The following PGM2L1 variants were observed in gnomAD, a reference collection of about 807,000 sequenced individuals.
PGM2L1 encodes the protein glucose 1,6-bisphosphate synthase.
In PGM2L1, 35 loss-of-function variants were observed where a neutral mutation model predicts 73.4. That is an observed-to-expected ratio of 0.48 (90% CI 0.36 to 0.63). The LOEUF (loss-of-function observed/expected upper bound fraction) is 0.63. Among genes scored for constraint, PGM2L1 ranks in the 30% least tolerant of loss-of-function variants. The pLI is 0.00. For missense variants in PGM2L1, 570 were observed against 742.0 expected (o/e 0.77, Z 2.69); for synonymous variants, 225 against 253.8 (o/e 0.89, Z 1.08).
At chr11:74,345,238 T>C (rs576867096) in intron 9 of PGM2L1, among the ~76,000 whole-genome samples, 1 of 152,214 alleles carries the variant, frequency 6.6e-6, no homozygotes, top group Non-Finnish European at 1.5e-5. Context: ...TAAGTATTAA[T>C]GTAATTTTTA....
chr11:74,360,837 G>A (rs527760609), intron 5 of PGM2L1, among the ~76,000 whole-genome samples: 3 of 152,328 alleles, frequency 2.0e-5, no homozygotes, highest in South Asian at 2.1e-4. Flanking sequence ...CTGCAAGGCC[G>A]CAGTGAGGCC....
Position 74,331,454 on chromosome 11 carries a change from G to A in PGM2L1, c.*5198C>T, listed in dbSNP as rs926514331. On this transcript the variant is annotated 3_prime_UTR_variant, in exon 14 of 14. Transcript: ENST00000298198. ...ATTTTGTATTTTTAGTGGACACAGG[G>A]TTTCTCCATGTCGGTCAGGCTAGTC... The A allele has an allele frequency of 6.6e-6, 1 of 152,094 alleles. No homozygotes were observed. Among genetic ancestry groups the A allele is most frequent in the African/African-American group, 2.4e-5 (1 of 41,362 alleles). The allele number at this position is 152,094 out of a possible 1,614,324, so 9.4% of individuals were successfully genotyped here.
chr11:74,345,449 C>G lies in PGM2L1; in HGVS notation c.1218+20G>C, dbSNP rs545751868. 293 of 1,580,760 alleles carry G rather than the reference C, an allele frequency of 1.9e-4. 2 individuals carry two copies. In the South Asian group the frequency reaches 3.0e-3, roughly 16 times the overall value. On this transcript the variant is annotated intron_variant, in intron 9 of 13. Coordinates refer to ENST00000298198, the MANE Select transcript of PGM2L1 (RefSeq NM_173582.6). ...GAAATAGGTTTTAAAAAGTAGCACA[C>G]AGATATTATTGATTCTTACTTCAAA...
At chr11:74,381,948 A>G (rs1390258077) in intron 1 of PGM2L1, among the ~76,000 whole-genome samples, 1 of 151,788 alleles carries the variant, frequency 6.6e-6, no homozygotes, top group East Asian at 1.9e-4. Flanking sequence ...AAATTAAAAC[A>G]AGATACCATT....
chr11:74,345,227 A>G (rs1028144250), intron 9 of PGM2L1, among the ~76,000 whole-genome samples: 1 of 152,214 alleles, frequency 6.6e-6, no homozygotes, highest in Admixed American at 6.5e-5. Flanking sequence ...GTACAGAATA[A>G]TAAGTATTAA....
chr11:74,381,571 C>CTTTTTTTTTTTTT (rs1195996518), intron 1 of PGM2L1, among the ~76,000 whole-genome samples: 2 of 95,436 alleles, frequency 2.1e-5, no homozygotes, highest in African/African-American at 4.4e-5. Context: ...GTGTTTTTGT[C>CTTTTTTTTTTTTT]TTTTTTTTTT....
chr11:74,397,002 AAC>A (rs1863186584), intron 1 of PGM2L1, among the ~76,000 whole-genome samples: 1 of 152,230 alleles, frequency 6.6e-6, no homozygotes, highest in South Asian at 2.1e-4. Flanking sequence ...CAAGACCTAA[AAC>A]ACGCACTCAG....
At chr11:74,362,952 A>G (rs1862589897) in intron 5 of PGM2L1, among the ~76,000 whole-genome samples, 1 of 152,216 alleles carries the variant, frequency 6.6e-6, no homozygotes, top group Non-Finnish European at 1.5e-5. Flanking sequence ...TCAGCACCAC[A>G]TTGCACTTGT....
At chr11:74,338,634 C>G (rs374537521) in intron 12 of PGM2L1, 33 bp from the exon 13 acceptor site, 114 of 1,546,876 alleles carry the variant, frequency 7.4e-5, no homozygotes, top group Non-Finnish European at 8.6e-5. Flanking sequence ...CTTAATTATA[C>G]TTGGCATCTT....
intron 1 of PGM2L1, chr11:74,397,819 A>T: frequency 2.7e-6 from 1 of 375,770 alleles, no homozygotes; most frequent in African/African-American, 2.3e-5. Flanking sequence ...AGAGGAAGGG[A>T]GGTTACAATT....
intron 4 of PGM2L1, among the ~76,000 whole-genome samples, chr11:74,370,423 A>G (rs1334593901): frequency 1.3e-5 from 2 of 152,192 alleles, no homozygotes; most frequent in African/African-American, 4.8e-5. Context: ...GGGAAGATTT[A>G]TGGGCTTTTT....
chr11:74,389,543 G>A lies in PGM2L1; in HGVS notation c.111+8508C>T, dbSNP rs559138968. Among the ~76,000 whole-genome samples, 43 of 151,604 alleles carry A rather than the reference G, an allele frequency of 2.8e-4. 2 individuals are homozygous for A. The South Asian group carries it at 7.9e-3, about 28-fold the overall frequency. ...TGGCTCACTGCAGCCTCCGCCTCCC[G>A]GGTTCCAGTGATTCTCCTGCCTGTC... On this transcript the variant is annotated intron_variant, in intron 1 of 13. Transcript: ENST00000298198.
At position 74,345,655 on chromosome 11, in the gene PGM2L1, G is replaced by A. The variant is rs1486855791; in HGVS notation, c.1038-6C>T. 1 of 1,611,914 alleles carries A rather than the reference G, an allele frequency of 6.2e-7. No individual in the cohort carries two copies. On this transcript the variant is annotated splice_region_variant and splice_polypyrimidine_tract_variant and intron_variant, in intron 8 of 13. Transcript: ENST00000298198. ...TGAAAACTTTCCAACAACCACTGTA[G>A]AGAGAAGGAAAATACAATGTCAAGA...
chr11:74,347,370 A>C lies in PGM2L1; in HGVS notation c.750-33T>G, dbSNP rs763005727. 2.0e-6 allele frequency: 3 copies of C among 1,478,818 alleles called. No homozygotes were observed. The Admixed American group carries it at 6.4e-5, about 31-fold the overall frequency. 91.6% of individuals were successfully genotyped at this position (1,478,818 alleles called of 1,614,324 possible). ...GGAAAATCAACATAAGATCATGATT[A>C]CAAAACCTCTTACCTTTGATATAAT... On this transcript the variant is annotated intron_variant, in intron 6 of 13. Coordinates refer to ENST00000298198, the MANE Select transcript of PGM2L1 (RefSeq NM_173582.6).
chr11:74,349,607 G>T (rs1291049675), intron 6 of PGM2L1, among the ~76,000 whole-genome samples: 1 of 152,102 alleles, frequency 6.6e-6, no homozygotes, highest in East Asian at 1.9e-4. Context: ...CTAGGAAATG[G>T]TATTTAGAAA....
intron 1 of PGM2L1, among the ~76,000 whole-genome samples, chr11:74,375,572 A>G (rs1398895321): frequency 6.6e-6 from 1 of 152,110 alleles, no homozygotes; most frequent in Admixed American, 6.5e-5. Context: ...AATATTCAGA[A>G]TAATAAACCA....
chr11:74,366,954 A>G (rs189818857), intron 5 of PGM2L1, among the ~76,000 whole-genome samples: 4 of 152,314 alleles, frequency 2.6e-5, no homozygotes, highest in Middle Eastern at 3.4e-3. Context: ...GAAGAGACCA[A>G]TTAGGATGCT....
intron 1 of PGM2L1, among the ~76,000 whole-genome samples, chr11:74,388,152 G>A (rs1004656172): frequency 3.3e-5 from 5 of 152,132 alleles, no homozygotes; most frequent in South Asian, 4.1e-4. Context: ...GATGCTGGAA[G>A]GGAAGGAGGA....
intron 5 of PGM2L1, among the ~76,000 whole-genome samples, chr11:74,367,946 A>G (rs1046470408): frequency 6.6e-6 from 1 of 152,184 alleles, no homozygotes; most frequent in African/African-American, 2.4e-5. Context: ...AACAAATACA[A>G]GAACACAGGC....
Sources: allele counts gnomAD v4.1 joint callset (sites outside exome capture counted in the v4.1 genomes callset), GRCh38; gene constraint gnomAD v4.1.1; transcripts MANE v1.5; gene names NCBI Gene and HGNC (gene_info 2026-07-23, HGNC 2026-07-21).